Variants in MYO1D observed in about 807,000 individuals in gnomAD.
The protein encoded by MYO1D is myosin ID.
In MYO1D, 83 loss-of-function variants were observed where a neutral mutation model predicts 122.0. That is an observed-to-expected ratio of 0.68 (90% CI 0.57 to 0.82). The LOEUF (loss-of-function observed/expected upper bound fraction) is 0.82. MYO1D is among the 40% of genes least tolerant of loss of function. The pLI is 0.00. For synonymous variants in MYO1D, 464 were observed against 446.9 expected (o/e 1.04, Z -0.48); for missense variants, 1,157 against 1,269.5 (o/e 0.91, Z 1.35).
intron 1 of MYO1D, among the ~76,000 whole-genome samples, chr17:32,838,273 C>A (rs1390445493): frequency 6.6e-6 from 1 of 152,154 alleles, no homozygotes; most frequent in Non-Finnish European, 1.5e-5. Flanking sequence ...CCAGCTCTGG[C>A]AATACCATTT....
At chr17:32,765,467 T>C (rs779911169) in intron 7 of MYO1D, among the ~76,000 whole-genome samples, 1 of 152,146 alleles carries the variant, frequency 6.6e-6, no homozygotes, top group Non-Finnish European at 1.5e-5. Flanking sequence ...TATTTATTTA[T>C]TTATTTTTGA....
intron 20 of MYO1D, 127 bp downstream of exon 20, chr17:32,638,595 T>C (rs1267730701): frequency 3.5e-6 from 2 of 572,068 alleles, no homozygotes; most frequent in Non-Finnish European, 6.2e-6. Context: ...ATATGACACA[T>C]AAAATTTCAG....
chr17:32,589,497 G>A (rs2087419817), intron 21 of MYO1D, among the ~76,000 whole-genome samples: 1 of 152,166 alleles, frequency 6.6e-6, no homozygotes, highest in African/African-American at 2.4e-5. Flanking sequence ...GCAATGTAAG[G>A]ATGTGGTGCC....
chr17:32,731,429 A>G lies in MYO1D; in HGVS notation c.1746+6824T>C, dbSNP rs183456510. ...TCTGGCCTTTCATTTCTTGATGTATATTAAGCATTCTCATATTCTCTTTCT... is the reference window on the plus strand; with the variant it reads ...TCTGGCCTTTCATTTCTTGATGTATGTTAAGCATTCTCATATTCTCTTTCT... On this transcript the variant is annotated intron_variant, in intron 14 of 21. Coordinates refer to ENST00000318217, the MANE Select transcript of MYO1D (RefSeq NM_015194.3). Among the ~76,000 whole-genome samples the G allele has an allele frequency of 2.6e-3, 389 of 152,178 alleles. 1 individual carries two copies. Among genetic ancestry groups the G allele is most frequent in the Non-Finnish European group, 3.7e-3 (250 of 67,994 alleles).
In MYO1D at chr17:32,662,182, G is replaced by A. The variant is rs189103145; in HGVS notation, c.2122-2844C>T. 5.3e-3 allele frequency among the ~76,000 whole-genome samples: 810 copies of A among 152,194 alleles called. 3 individuals are homozygous for A. The highest frequency in any genetic ancestry group is 7.9e-3 in the Non-Finnish European group (534 of 68,010). On this transcript the variant is annotated intron_variant, in intron 16 of 21. Coordinates refer to ENST00000318217, the MANE Select transcript of MYO1D (RefSeq NM_015194.3). ...TAAACTACTCTTCCACGTTGGATCC[G>A]AGTTCTCCCCCACCGCCCCACGCCC...
At chr17:32,846,088 C>T (rs1429320356) in intron 1 of MYO1D, among the ~76,000 whole-genome samples, 1 of 152,178 alleles carries the variant, frequency 6.6e-6, no homozygotes, top group Non-Finnish European at 1.5e-5. Flanking sequence ...CTCTCTTCTT[C>T]CTTTTAATAG....
chr17:32,556,836 G>A (rs2087072265), intron 21 of MYO1D, among the ~76,000 whole-genome samples: 1 of 152,158 alleles, frequency 6.6e-6, no homozygotes, highest in Non-Finnish European at 1.5e-5. Context: ...AGTGTTTTGG[G>A]TCTGTGAGAA....
At chr17:32,814,213 G>A (rs2151052508) in intron 1 of MYO1D, among the ~76,000 whole-genome samples, 1 of 152,200 alleles carries the variant, frequency 6.6e-6, no homozygotes, top group South Asian at 2.1e-4. Context: ...GTGTGGTGGT[G>A]TGCACCTGTA....
intron 14 of MYO1D, among the ~76,000 whole-genome samples, chr17:32,736,142 T>C (rs1404885934): frequency 6.6e-6 from 1 of 152,112 alleles, no homozygotes; most frequent in East Asian, 1.9e-4. Flanking sequence ...ATAAGTTGTC[T>C]ATATTCTTCT....
At chr17:32,857,586 A>G (rs2091037882) in intron 1 of MYO1D, among the ~76,000 whole-genome samples, 2 of 140,846 alleles carry the variant, frequency 1.4e-5, no homozygotes, top group South Asian at 2.1e-4. Context: ...CTCCACCTCA[A>G]AAAAAAAAAA....
Position 32,691,351 on chromosome 17 carries a change from T to C in MYO1D, c.2121+20637A>G, listed in dbSNP as rs776985546. Among the ~76,000 whole-genome samples the C allele has an allele frequency of 1.5e-4, 23 of 151,776 alleles. 1 individual carries two copies. Among genetic ancestry groups the C allele is most frequent in the Non-Finnish European group, 2.9e-5 (2 of 67,902 alleles). ...CTTCATCTCCACTAACTTCTTAACATTTAAGAGTCTTCATTATTTCCCACT... is the reference window on the plus strand; with the variant it reads ...CTTCATCTCCACTAACTTCTTAACACTTAAGAGTCTTCATTATTTCCCACT... On this transcript the variant is annotated intron_variant, in intron 16 of 21. Transcript: ENST00000318217.
intron 1 of MYO1D, among the ~76,000 whole-genome samples, chr17:32,862,244 A>G (rs935248585): frequency 2.6e-5 from 4 of 152,080 alleles, no homozygotes; most frequent in Admixed American, 6.5e-5. Flanking sequence ...TCTTCATAGC[A>G]CTTATTACTA....
At chr17:32,768,954 C>A (rs2090087887) in intron 6 of MYO1D, among the ~76,000 whole-genome samples, 1 of 152,194 alleles carries the variant, frequency 6.6e-6, no homozygotes, top group African/African-American at 2.4e-5. Context: ...ACCCTCATTT[C>A]TTTCTTGCCA....
chr17:32,755,368 T>C, intron 11 of MYO1D, 124 bp downstream of exon 11: 2 of 1,024,034 alleles, frequency 2.0e-6, no homozygotes, highest in East Asian at 2.5e-5. Context: ...AATGAATGTT[T>C]ATGACTTTTC....
intron 1 of MYO1D, among the ~76,000 whole-genome samples, chr17:32,814,556 A>G (rs773200284): frequency 3.3e-5 from 5 of 152,254 alleles, no homozygotes; most frequent in Non-Finnish European, 7.3e-5. Flanking sequence ...TGTTAAAAGA[A>G]GAGACATATA....
intron 16 of MYO1D, among the ~76,000 whole-genome samples, chr17:32,671,091 C>A (rs1288078167): frequency 6.6e-6 from 1 of 152,218 alleles, no homozygotes. Flanking sequence ...GAGCTGCTAA[C>A]ACATCCCTGT....
In MYO1D at chr17:32,525,605, G is replaced by A. The variant is rs148844071; in HGVS notation, c.2865-30690C>T. Among the ~76,000 whole-genome samples the A allele has an allele frequency of 1.7e-3, 260 of 152,222 alleles. 1 individual carries two copies. In the East Asian group the frequency reaches 0.023, roughly 13 times the overall value. On this transcript the variant is annotated intron_variant, in intron 21 of 21. Coordinates refer to ENST00000318217, the MANE Select transcript of MYO1D (RefSeq NM_015194.3). Reference sequence around the variant, plus strand: ...GATCTTAGCCAAAAGGCCGAGAAGCGATCAGAACCCTGCTAGAAAGGAACA... The same window carrying A: ...GATCTTAGCCAAAAGGCCGAGAAGCAATCAGAACCCTGCTAGAAAGGAACA...
At chr17:32,498,524 G>A (rs559111987) in intron 21 of MYO1D, 17 of 152,266 alleles carry the variant, frequency 1.1e-4, no homozygotes, top group African/African-American at 3.9e-4. Flanking sequence ...ACTCCACCCC[G>A]GGCACTGTGT....
At chr17:32,718,697 CA>C (rs535356357) in intron 15 of MYO1D, among the ~76,000 whole-genome samples, 200 of 149,558 alleles carry the variant, frequency 1.3e-3, no homozygotes, top group African/African-American at 4.7e-3. Context: ...AAGACCCTGT[CA>C]AAAAAAGAAA....
Sources: gnomAD v4.1 joint callset for allele counts (sites outside exome capture counted in the v4.1 genomes callset) on GRCh38, gnomAD v4.1.1 for gene constraint, MANE v1.5 for transcripts, NCBI Gene and HGNC (gene_info 2026-07-23, HGNC 2026-07-21) for gene names.